Variants in SH3RF3 observed in about 807,000 individuals in gnomAD.
SH3RF3 encodes SH3 domain containing ring finger 3, also known as E3 ubiquitin-protein ligase SH3RF3.
In SH3RF3, 29 loss-of-function variants were observed where a neutral mutation model predicts 66.3. The observed-to-expected ratio is 0.44, with a 90% confidence interval of 0.33 to 0.60. The LOEUF (loss-of-function observed/expected upper bound fraction) is 0.60. Among genes scored for constraint, SH3RF3 ranks in the 20% least tolerant of loss-of-function variants. SH3RF3 has a pLI of 0.04. For synonymous variants in SH3RF3, 583 were observed against 532.0 expected, an observed-to-expected ratio of 1.10 and a Z score of -1.32; for missense variants, 1,194 against 1,190.9, an observed-to-expected ratio of 1.00 and a Z score of -0.04.
intron 1 of SH3RF3, among the ~76,000 whole-genome samples, chr2:109,259,963 G>T (rs752340147): frequency 6.6e-6 from 1 of 152,144 alleles, no homozygotes; most frequent in Non-Finnish European, 1.5e-5. Context: ...CAGACGCCCA[G>T]GGGTTTTCTT....
intron 1 of SH3RF3, among the ~76,000 whole-genome samples, chr2:109,135,792 G>A (rs958312423): frequency 1.3e-5 from 2 of 152,126 alleles, no homozygotes; most frequent in African/African-American, 4.8e-5. Context: ...GCTTGAGTCT[G>A]TTGGTTTCCT....
chr2:109,302,511 G>A (rs754426144), intron 1 of SH3RF3, among the ~76,000 whole-genome samples: 4 of 152,244 alleles, frequency 2.6e-5, no homozygotes, highest in African/African-American at 9.6e-5. Flanking sequence ...TGCCTGCACC[G>A]AAGATGCTCC....
intron 1 of SH3RF3, among the ~76,000 whole-genome samples, chr2:109,217,769 C>T (rs1679133994): frequency 6.6e-6 from 1 of 152,160 alleles, no homozygotes; most frequent in South Asian, 2.1e-4. Context: ...GATCATTCTT[C>T]TCCCGCCTGC....
At chr2:109,473,080 C>T (rs1678567621) in intron 8 of SH3RF3, among the ~76,000 whole-genome samples, 1 of 152,178 alleles carries the variant, frequency 6.6e-6, no homozygotes, top group African/African-American at 2.4e-5. Flanking sequence ...GATGCGAGTC[C>T]CAAGAATCTA....
At chr2:109,316,409 C>T (rs866857652) in intron 1 of SH3RF3, among the ~76,000 whole-genome samples, 21 of 152,302 alleles carry the variant, frequency 1.4e-4, no homozygotes, top group Middle Eastern at 3.4e-3. Context: ...GCTCTGGCTT[C>T]CTGTCTATCA....
intron 8 of SH3RF3, among the ~76,000 whole-genome samples, chr2:109,466,902 T>C (rs555891680): frequency 2.0e-5 from 3 of 152,278 alleles, no homozygotes; most frequent in African/African-American, 7.2e-5. Flanking sequence ...CATGTGTTTG[T>C]GTATGTGTGT....
intron 1 of SH3RF3, among the ~76,000 whole-genome samples, chr2:109,282,339 C>CA (rs1291878139): frequency 6.6e-6 from 1 of 151,820 alleles, no homozygotes; most frequent in East Asian, 1.9e-4. Context: ...TTTTCTTAAC[C>CA]AAAAAAATCT....
chr2:109,304,977 T>C (rs1681557636), intron 1 of SH3RF3, among the ~76,000 whole-genome samples: 1 of 152,166 alleles, frequency 6.6e-6, no homozygotes, highest in Non-Finnish European at 1.5e-5. Context: ...AGTAGGAATG[T>C]TTAATGTGTG....
intron 1 of SH3RF3, among the ~76,000 whole-genome samples, chr2:109,286,817 C>CT (rs1681039242): frequency 1.3e-5 from 2 of 152,192 alleles, no homozygotes; most frequent in Non-Finnish European, 2.9e-5. Flanking sequence ...CTCACAGGGC[C>CT]AGTAGCCATT....
In SH3RF3 at chr2:109,458,572, C is replaced by CAGAGAGAGAGAGAGAG. The variant is rs70958708; in HGVS notation, c.2148+9097_2148+9112dup. Among the ~76,000 whole-genome samples, 1,073 of 122,996 alleles carry CAGAGAGAGAGAGAGAG rather than the reference C, an allele frequency of 8.7e-3. 67 individuals carry two copies. Among genetic ancestry groups the CAGAGAGAGAGAGAGAG allele is most frequent in the African/African-American group, 0.017 (612 of 36,660 alleles). The allele number at this position is 122,996 out of a possible 152,430, so 80.7% of individuals were successfully genotyped here. On this transcript the variant is annotated intron_variant, in intron 8 of 9. Coordinates refer to ENST00000309415, the MANE Select transcript of SH3RF3 (RefSeq NM_001099289.3). ...CCAGAGAAACAGAACCAGCAGGAGA[C>CAGAGAGAGAGAGAGAG]AGAGAGAGAGAGAGAGAGAGAGAGA...
chr2:109,467,988 C>T (rs1341586144), intron 8 of SH3RF3, among the ~76,000 whole-genome samples: 1 of 152,250 alleles, frequency 6.6e-6, no homozygotes, highest in Non-Finnish European at 1.5e-5. Flanking sequence ...CCCTGGAGGA[C>T]CTCCTCAGAG....
chr2:109,275,041 A>T (rs1680722020), intron 1 of SH3RF3, among the ~76,000 whole-genome samples: 1 of 152,230 alleles, frequency 6.6e-6, no homozygotes, highest in South Asian at 2.1e-4. Flanking sequence ...AGATTACCAT[A>T]ATGTAAAATT....
At chr2:109,407,597 C>T (rs986208317) in intron 4 of SH3RF3, among the ~76,000 whole-genome samples, 2 of 152,218 alleles carry the variant, frequency 1.3e-5, no homozygotes, top group African/African-American at 2.4e-5. Context: ...GTGCAAACTC[C>T]GGCTCCAGCT....
chr2:109,473,957 T>C (rs1678604843), intron 8 of SH3RF3, among the ~76,000 whole-genome samples: 1 of 152,060 alleles, frequency 6.6e-6, no homozygotes, highest in Non-Finnish European at 1.5e-5. Flanking sequence ...GGGCAGAAAG[T>C]CTTTATAGAC....
chr2:109,266,269 T>C (rs1423110896), intron 1 of SH3RF3, among the ~76,000 whole-genome samples: 2 of 151,586 alleles, frequency 1.3e-5, no homozygotes, highest in African/African-American at 4.9e-5. Context: ...TGTGCGTGCA[T>C]GTGTTATTTG....
At chr2:109,463,296 G>A (rs1042942225) in intron 8 of SH3RF3, among the ~76,000 whole-genome samples, 1 of 152,242 alleles carries the variant, frequency 6.6e-6, no homozygotes, top group African/African-American at 2.4e-5. Flanking sequence ...TGTGCTGTCT[G>A]TTTTGGTAAC....
chr2:109,447,147 TAAAAAAAAAAAA>T (rs61240132), intron 7 of SH3RF3, among the ~76,000 whole-genome samples: 1 of 82,704 alleles, frequency 1.2e-5, no homozygotes, highest in African/African-American at 3.8e-5. Context: ...CCTGAATATT[TAAAAAAAAAAAA>T]AAAAAAAAAG....
At chr2:109,236,127 A>G (rs1435315373) in intron 1 of SH3RF3, among the ~76,000 whole-genome samples, 1 of 152,192 alleles carries the variant, frequency 6.6e-6, no homozygotes, top group Non-Finnish European at 1.5e-5. Flanking sequence ...CTCCAAGATC[A>G]ATAGTTTATT....
chr2:109,484,901 C>T (rs1445735354), intron 8 of SH3RF3, among the ~76,000 whole-genome samples: 1 of 152,210 alleles, frequency 6.6e-6, no homozygotes, highest in African/African-American at 2.4e-5. Flanking sequence ...ACTATCTCCC[C>T]AGTCTCAGGT....
Sources: allele counts gnomAD v4.1 joint callset (sites outside exome capture counted in the v4.1 genomes callset), GRCh38; gene constraint gnomAD v4.1.1; transcripts MANE v1.5; gene names NCBI Gene and HGNC (gene_info 2026-07-23, HGNC 2026-07-21).